The following ZNF177 variants were observed in gnomAD, a reference collection of about 807,000 sequenced individuals.
ZNF177 encodes the protein zinc finger protein 177.
Under a neutral mutation model 19.4 loss-of-function variants are expected in ZNF177, and 17 were observed. The observed-to-expected ratio is 0.87, with a 90% CI of 0.60 to 1.31. ZNF177 has a LOEUF of 1.31. ZNF177 is among the 40% of genes most tolerant of loss of function. ZNF177 has a pLI of 0.00. For synonymous variants in ZNF177, 220 were observed against 188.7 expected (o/e 1.17, Z -1.36); for missense variants, 633 against 561.8 (o/e 1.13, Z -1.28).
At chr19:9,371,894 A>G (rs1397776515), upstream of ZNF177, 1 of 152,168 alleles carries the variant, frequency 6.6e-6, no homozygotes, top group East Asian at 1.9e-4. Context: ...TGTTTTTTAA[A>G]CTAACCATTT....
chr19:9,378,346 T>A lies in ZNF177; in HGVS notation c.33+2T>A. 1 of 1,613,564 alleles carries A rather than the reference T, an allele frequency of 6.2e-7. No homozygotes were observed. Among genetic ancestry groups the A allele is most frequent in the Non-Finnish European group, 8.5e-7 (1 of 1,179,782 alleles). On this transcript the variant is annotated splice_donor_variant, in intron 2 of 5. Transcript: ENST00000589262. LOFTEE classifies it high-confidence loss of function. ...GGGTGGCTGACAACCTGGTCACAGG[T>A]ACACAAGAAATTTCTCTATTTCCAA... is the stretch of plus-strand genomic sequence containing the variant.
At chr19:9,382,420 TACTAAATGAA>T, downstream of ZNF177, 1 of 398,684 alleles carries the variant, frequency 2.5e-6, no homozygotes. Flanking sequence ...AGAGAAAGGA[TACTAAATGAA>T]ACAACAGGGG....
chr19:9,381,803 C>T, exon 6 of ZNF177: 1 of 1,560,966 alleles, frequency 6.4e-7, no homozygotes, highest in Non-Finnish European at 8.6e-7. Flanking sequence ...TGTTTGTTGC[C>T]CCTCATGCCT....
At chr19:9,382,495 T>C, downstream of ZNF177, 1 of 398,474 alleles carries the variant, frequency 2.5e-6, no homozygotes, top group Non-Finnish European at 4.4e-6. Flanking sequence ...CTGGATTTCA[T>C]GTTACATGAG....
chr19:9,381,518 A>G (rs1226892844), exon 6 of ZNF177: 3 of 1,614,220 alleles, frequency 1.9e-6, no homozygotes, highest in Non-Finnish European at 2.5e-6. Flanking sequence ...GAGAAGCCTT[A>G]TGAGTGTAAC....
chr19:9,376,543 T>C (rs1020870731), intron 1 of ZNF177, 120 bp downstream of exon 3: 12 of 152,220 alleles, frequency 7.9e-5, no homozygotes, highest in African/African-American at 2.9e-4. Flanking sequence ...TGATACGCTT[T>C]GATTTCTTTC....
exon 6 of ZNF177, chr19:9,381,963 C>T: frequency 3.5e-6 from 3 of 857,296 alleles, no homozygotes; most frequent in South Asian, 2.2e-5. Context: ...GTATTTCATT[C>T]TTATATGTGT....
intron 2 of ZNF177, among the ~76,000 whole-genome samples, chr19:9,365,895 G>GCTGGTCGGT (rs947081209): frequency 6.6e-6 from 1 of 152,174 alleles, no homozygotes; most frequent in African/African-American, 2.4e-5. Flanking sequence ...ATGTTCCTTG[G>GCTGGTCGGT]CTGGTCGGTC....
At chr19:9,363,211 TCTC>T (rs1378987643) in intron 1 of ZNF177, 127 bp downstream of exon 1, 1 of 152,398 alleles carries the variant, frequency 6.6e-6, no homozygotes, top group Non-Finnish European at 1.5e-5. Flanking sequence ...CGGCGTTTCT[TCTC>T]AGAGGCCGCC....
At chr19:9,372,243 C>T (rs927859167), upstream of ZNF177, among the ~76,000 whole-genome samples, 4 of 152,134 alleles carry the variant, frequency 2.6e-5, no homozygotes, top group African/African-American at 7.2e-5. Flanking sequence ...GTTGTTTGAA[C>T]TACAGAAATG....
At chr19:9,365,212 G>A (rs1358465776) in intron 2 of ZNF177, among the ~76,000 whole-genome samples, 1 of 152,124 alleles carries the variant, frequency 6.6e-6, no homozygotes, top group Non-Finnish European at 1.5e-5. Flanking sequence ...TATGGGGGGA[G>A]TAGAGTTGAT....
chr19:9,378,492 C>T, intron 2 of ZNF177, 148 bp downstream of exon 4: 2 of 1,283,408 alleles, frequency 1.6e-6, no homozygotes, highest in Non-Finnish European at 2.1e-6. Flanking sequence ...AAGAGGGAAT[C>T]CCTGGGAAAG....
At chr19:9,380,518 C>G in intron 5 of ZNF177, 150 bp from the exon 8 acceptor site, 1 of 1,484,900 alleles carries the variant, frequency 6.7e-7, no homozygotes. Context: ...GCTAATAGGG[C>G]AAAAGTCATA....
chr19:9,379,924 G>A, intron 4 of ZNF177, 133 bp from the exon 7 acceptor site: 1 of 1,072,942 alleles, frequency 9.3e-7, no homozygotes, highest in Non-Finnish European at 1.3e-6. Flanking sequence ...GTGAATCACT[G>A]GTTGTGTCTT....
chr19:9,373,459 TACCC>T (rs1373115179), upstream of ZNF177, among the ~76,000 whole-genome samples: 1 of 152,244 alleles, frequency 6.6e-6, no homozygotes, highest in Non-Finnish European at 1.5e-5. Context: ...TTTGGTTATA[TACCC>T]AGTAGCAGGA....
exon 6 of ZNF177, chr19:9,381,531 G>A: frequency 6.2e-7 from 1 of 1,614,104 alleles, no homozygotes; most frequent in Non-Finnish European, 8.5e-7. Flanking sequence ...AGTGTAACCA[G>A]TGTGGAAAGT....
chr19:9,381,965 T>TA, exon 6 of ZNF177: 1 of 849,662 alleles, frequency 1.2e-6, no homozygotes, highest in Non-Finnish European at 1.7e-6. Flanking sequence ...ATTTCATTCT[T>TA]ATATGTGTCA....
At chr19:9,378,633 T>A (rs2068144879) in intron 2 of ZNF177, 1 of 579,424 alleles carries the variant, frequency 1.7e-6, no homozygotes, top group Non-Finnish European at 2.9e-6. Flanking sequence ...CTCAAGTATT[T>A]CTTGCATTCC....
At chr19:9,373,895 G>A (rs1412265126), upstream of ZNF177, among the ~76,000 whole-genome samples, 1 of 151,176 alleles carries the variant, frequency 6.6e-6, no homozygotes, top group East Asian at 1.9e-4. Context: ...TTCCTTTGCT[G>A]TGCAGAAACT....
Sources: allele counts gnomAD v4.1 joint callset (sites outside exome capture counted in the v4.1 genomes callset), GRCh38; gene constraint gnomAD v4.1.1; transcripts MANE v1.5; gene names NCBI Gene and HGNC (gene_info 2026-07-23, HGNC 2026-07-21).